Variants in STXBP4 observed in about 807,000 individuals in gnomAD.
STXBP4 encodes syntaxin binding protein 4, also known as syntaxin-binding protein 4.
STXBP4 carries 55 observed loss-of-function variants against 76.1 expected under a neutral mutation model. The observed-to-expected ratio is 0.72, with a 90% CI of 0.58 to 0.91. STXBP4 has a LOEUF of 0.91. Ranked by LOEUF, STXBP4 falls within the 40% of genes least tolerant of loss-of-function variation. The pLI is 0.00. For missense variants in STXBP4, 618 were observed against 636.9 expected (o/e 0.97, Z 0.32); for synonymous variants, 201 against 220.2 (o/e 0.91, Z 0.77).
intron 3 of STXBP4, among the ~76,000 whole-genome samples, chr17:54,988,769 T>G (rs767922609): frequency 4.6e-5 from 7 of 151,888 alleles, no homozygotes; most frequent in Non-Finnish European, 1.0e-4. Flanking sequence ...AGACCCCGTC[T>G]CAAAAAAAGA....
chr17:55,149,143 A>G (rs1337604444), intron 17 of STXBP4, among the ~76,000 whole-genome samples: 1 of 152,202 alleles, frequency 6.6e-6, no homozygotes. Context: ...TTTTGCCCCC[A>G]AATACTTCTT....
At chr17:54,993,313 GA>G (rs1395898585) in intron 4 of STXBP4, among the ~76,000 whole-genome samples, 1 of 152,152 alleles carries the variant, frequency 6.6e-6, no homozygotes, top group Non-Finnish European at 1.5e-5. Flanking sequence ...AGGCAAGATA[GA>G]AAAAGGTGTA....
At chr17:54,990,532 A>G (rs1242393432) in intron 3 of STXBP4, among the ~76,000 whole-genome samples, 1 of 152,160 alleles carries the variant, frequency 6.6e-6, no homozygotes, top group South Asian at 2.1e-4. Flanking sequence ...GCTCCCCCTG[A>G]TTCTACATTA....
chr17:54,993,340 G>A (rs2077748369), intron 4 of STXBP4, among the ~76,000 whole-genome samples: 1 of 152,154 alleles, frequency 6.6e-6, no homozygotes, highest in Non-Finnish European at 1.5e-5. Context: ...AGAGGACCAG[G>A]GGTGATGGCT....
chr17:55,101,403 A>G (rs779190465), intron 16 of STXBP4, among the ~76,000 whole-genome samples: 79 of 152,304 alleles, frequency 5.2e-4, no homozygotes, highest in Non-Finnish European at 7.9e-4. Flanking sequence ...TAATTAAGAC[A>G]CCAGCCTCCA....
intron 1 of STXBP4, among the ~76,000 whole-genome samples, chr17:54,974,501 CAG>C (rs1376935805): frequency 6.6e-6 from 1 of 152,198 alleles, no homozygotes; most frequent in East Asian, 1.9e-4. Context: ...GAAAGGAAAA[CAG>C]AAATCATTTA....
At chr17:55,012,614 A>G (rs1434559843) in intron 8 of STXBP4, among the ~76,000 whole-genome samples, 1 of 152,072 alleles carries the variant, frequency 6.6e-6, no homozygotes, top group African/African-American at 2.4e-5. Flanking sequence ...GGACTAGGTG[A>G]GCATACTCAG....
chr17:55,103,538 T>C (rs927503710), intron 16 of STXBP4, among the ~76,000 whole-genome samples: 2 of 151,914 alleles, frequency 1.3e-5, no homozygotes, highest in Non-Finnish European at 2.9e-5. Flanking sequence ...TGTGGCCTTG[T>C]AGTATAGTTT....
intron 1 of STXBP4, among the ~76,000 whole-genome samples, chr17:54,983,897 C>T (rs1318868697): frequency 6.6e-6 from 1 of 152,142 alleles, no homozygotes; most frequent in Non-Finnish European, 1.5e-5. Context: ...GACTACTAGT[C>T]AAAGCCCAAG....
chr17:55,115,820 A>G (rs244357), intron 16 of STXBP4, among the ~76,000 whole-genome samples: 98,597 of 151,684 alleles, frequency 0.65, 33,140 homozygotes, highest in African/African-American at 0.83. Flanking sequence ...ATGATACAGC[A>G]ATGTCATCCT....
chr17:55,070,426 C>A lies in STXBP4; in HGVS notation c.1012-2474C>A, dbSNP rs1231287750. Among the ~76,000 whole-genome samples the A allele has an allele frequency of 5.3e-5, 8 of 152,086 alleles. No homozygotes were observed. In the East Asian group the frequency reaches 1.5e-3, roughly 29 times the overall value. Reference sequence around the variant, plus strand: ...GAATGAAATTGACTGGTGTGGTAGGCTAGGTTAATGTACCTACCTTTTCCA... The same window carrying A: ...GAATGAAATTGACTGGTGTGGTAGGATAGGTTAATGTACCTACCTTTTCCA... On this transcript the variant is annotated intron_variant, in intron 12 of 17. Coordinates refer to ENST00000376352, the MANE Select transcript of STXBP4 (RefSeq NM_178509.6).
At chr17:55,018,962 G>T (rs749221789) in intron 8 of STXBP4, among the ~76,000 whole-genome samples, 2 of 152,144 alleles carry the variant, frequency 1.3e-5, no homozygotes, top group Admixed American at 6.5e-5. Context: ...CCCTGACAAG[G>T]TGTTGCTAAA....
chr17:55,123,006 C>T (rs2079863693), intron 16 of STXBP4, among the ~76,000 whole-genome samples: 1 of 152,112 alleles, frequency 6.6e-6, no homozygotes, highest in Non-Finnish European at 1.5e-5. Context: ...GTTTTATTCA[C>T]ATTTATGGGA....
intron 16 of STXBP4, among the ~76,000 whole-genome samples, chr17:55,122,570 C>T (rs921648551): frequency 6.6e-6 from 1 of 152,172 alleles, no homozygotes; most frequent in African/African-American, 2.4e-5. Context: ...TTTATGTTTA[C>T]TTTATATCAG....
At chr17:54,971,749 A>G (rs2077403601) in intron 1 of STXBP4, among the ~76,000 whole-genome samples, 1 of 151,978 alleles carries the variant, frequency 6.6e-6, no homozygotes, top group Non-Finnish European at 1.5e-5. Context: ...TCAATCTGGA[A>G]TAGTTGCCAG....
chr17:55,081,183 TG>T lies in STXBP4; in HGVS notation c.1489+1del. Reference sequence around the variant, plus strand: ...TGTTCGTGCCTTACTTGATATGGATTGTAAGTTTTCTGCATTTTTTCACTTT... The same window carrying T: ...TGTTCGTGCCTTACTTGATATGGATTTAAGTTTTCTGCATTTTTTCACTTT... On this transcript the variant is annotated splice_donor_variant, in intron 16 of 17. Coordinates refer to ENST00000376352, the MANE Select transcript of STXBP4 (RefSeq NM_178509.6). LOFTEE classifies it high-confidence loss of function. The T allele has an allele frequency of 6.9e-7, 1 of 1,459,230 alleles. No homozygotes were observed. The highest frequency in any genetic ancestry group is 9.1e-7 in the Non-Finnish European group (1 of 1,104,836). The allele number at this position is 1,459,230 out of a possible 1,614,324, so 90.4% of individuals were successfully genotyped here.
chr17:55,077,403 G>C (rs919508503), intron 13 of STXBP4, among the ~76,000 whole-genome samples: 2 of 152,112 alleles, frequency 1.3e-5, no homozygotes, highest in Non-Finnish European at 2.9e-5. Flanking sequence ...GGGACTTTTG[G>C]TTAGGAATTA....
At chr17:55,077,685 T>G (rs1320728105) in intron 13 of STXBP4, among the ~76,000 whole-genome samples, 1 of 90,938 alleles carries the variant, frequency 1.1e-5, no homozygotes, top group African/African-American at 5.0e-5. Flanking sequence ...TTGTCTTACA[T>G]CGTGTGTGTG....
At chr17:55,121,895 G>A (rs2079847618) in intron 16 of STXBP4, among the ~76,000 whole-genome samples, 1 of 151,860 alleles carries the variant, frequency 6.6e-6, no homozygotes, top group African/African-American at 2.4e-5. Flanking sequence ...GGCTTTTTAC[G>A]CCCCCAAGAC....
Sources: allele counts gnomAD v4.1 joint callset (sites outside exome capture counted in the v4.1 genomes callset), GRCh38; gene constraint gnomAD v4.1.1; transcripts MANE v1.5; gene names NCBI Gene and HGNC (gene_info 2026-07-23, HGNC 2026-07-21).